FBXW8: variants seen among roughly 807,000 people sequenced by gnomAD.
The protein encoded by FBXW8 is F-box and WD repeat domain containing 8.
A neutral mutation model predicts 65.3 loss-of-function variants in FBXW8; 57 were observed. That is an observed-to-expected ratio of 0.87 (90% CI 0.71 to 1.09). The LOEUF is 1.09. Ranked by LOEUF, FBXW8 falls within the 50% of genes least tolerant of loss-of-function variation. The probability of loss-of-function intolerance (pLI) is 0.00; values close to 1 mark genes in which losing one functional copy is unlikely to be tolerated. For missense variants in FBXW8, 777 were observed against 814.8 expected (o/e 0.95, Z 0.57); for synonymous variants, 308 against 330.2 (o/e 0.93, Z 0.73).
chr12:116,971,046 A>G (rs574020010), intron 5 of FBXW8, among the ~76,000 whole-genome samples: 172 of 152,214 alleles, frequency 1.1e-3, no homozygotes, highest in Admixed American at 1.8e-3. Flanking sequence ...TTTTTTTAAC[A>G]CTAGGAATGC....
At chr12:116,980,811 G>A (rs1201222578) in intron 5 of FBXW8, among the ~76,000 whole-genome samples, 1 of 152,078 alleles carries the variant, frequency 6.6e-6, no homozygotes, top group East Asian at 1.9e-4. Flanking sequence ...CTTATTCATT[G>A]TTCCATTGTG....
At chr12:117,021,675 TG>T (rs1565945832) in intron 8 of FBXW8, among the ~76,000 whole-genome samples, 1 of 152,256 alleles carries the variant, frequency 6.6e-6, no homozygotes, top group Non-Finnish European at 1.5e-5. Context: ...AATTTATATT[TG>T]ACTCTGTGTT....
At chr12:116,920,262 A>G (rs1880787481) in intron 1 of FBXW8, among the ~76,000 whole-genome samples, 1 of 152,230 alleles carries the variant, frequency 6.6e-6, no homozygotes, top group East Asian at 1.9e-4. Flanking sequence ...GCCTGTGTAT[A>G]CTAGAACAAC....
At chr12:116,945,314 G>T (rs765038413) in intron 2 of FBXW8, 50 bp from the exon 3 acceptor site, 104 of 1,574,128 alleles carry the variant, frequency 6.6e-5, no homozygotes, top group Non-Finnish European at 8.6e-5. Context: ...GATGACAAGG[G>T]GCTTCTCTAA....
At position 116,979,792 on chromosome 12, in the gene FBXW8, A is replaced by C. The variant is rs374842368; in HGVS notation, c.836-5414A>C. Reference sequence around the variant, plus strand: ...CAGGGAATGGCAAAAAAAAAAAAAAAAAAACACTTGCTTCTTATGCCACTG... The same window carrying C: ...CAGGGAATGGCAAAAAAAAAAAAAACAAAACACTTGCTTCTTATGCCACTG... On this transcript the variant is annotated intron_variant, in intron 5 of 10. Transcript: ENST00000652555. Among the ~76,000 whole-genome samples, 21 of 152,034 alleles carry C rather than the reference A, an allele frequency of 1.4e-4. No homozygotes were observed. The East Asian group carries it at 3.9e-3, about 28-fold the overall frequency.
chr12:116,917,551 C>T (rs1387506959), intron 1 of FBXW8, among the ~76,000 whole-genome samples: 1 of 152,230 alleles, frequency 6.6e-6, no homozygotes, highest in East Asian at 1.9e-4. Flanking sequence ...TCAGAGTCTT[C>T]AGTATCCATC....
intron 4 of FBXW8, chr12:116,951,141 T>G (rs1000935129): frequency 3.3e-5 from 5 of 152,188 alleles, no homozygotes; most frequent in Admixed American, 2.6e-4. Context: ...TTACAGATTA[T>G]GCCAGCACAG....
chr12:116,937,584 G>A (rs1882253870), intron 2 of FBXW8, among the ~76,000 whole-genome samples: 1 of 152,228 alleles, frequency 6.6e-6, no homozygotes, highest in Admixed American at 6.5e-5. Context: ...ACTGAGAAAT[G>A]ACCATTGGGT....
chr12:116,975,127 A>G (rs1381527697), intron 5 of FBXW8, among the ~76,000 whole-genome samples: 1 of 152,250 alleles, frequency 6.6e-6, no homozygotes, highest in African/African-American at 2.4e-5. Context: ...GAATTGCTGT[A>G]TGGGAAAGGA....
intron 1 of FBXW8, among the ~76,000 whole-genome samples, chr12:116,926,352 G>A (rs145984346): frequency 6.6e-6 from 1 of 152,276 alleles, no homozygotes; most frequent in East Asian, 1.9e-4. Context: ...GGTAAAGTAG[G>A]CCTCTCCACA....
At chr12:116,968,846 T>C (rs1884482300) in intron 5 of FBXW8, among the ~76,000 whole-genome samples, 1 of 152,214 alleles carries the variant, frequency 6.6e-6, no homozygotes. Context: ...CTGCTACTTG[T>C]AGTTCTTTCT....
At chr12:117,007,767 T>G (rs1953713198) in intron 7 of FBXW8, among the ~76,000 whole-genome samples, 1 of 152,140 alleles carries the variant, frequency 6.6e-6, no homozygotes. Context: ...ATCTCACTAG[T>G]CTATGGCAAT....
chr12:116,955,507 G>A (rs992940662), intron 4 of FBXW8, among the ~76,000 whole-genome samples: 5 of 152,210 alleles, frequency 3.3e-5, no homozygotes, highest in Non-Finnish European at 7.3e-5. Context: ...AAATGCTAGC[G>A]AGGTTTAGTG....
chr12:116,919,436 G>A (rs995802579), intron 1 of FBXW8, among the ~76,000 whole-genome samples: 2 of 152,144 alleles, frequency 1.3e-5, no homozygotes, highest in Non-Finnish European at 1.5e-5. Flanking sequence ...TACCTATCTC[G>A]TGAAGAGGCA....
At position 116,988,648 on chromosome 12, in the gene FBXW8, C is replaced by T; in HGVS notation, c.1033-15C>T. ...GATGAATTTATGGGACTAAACAACT[C>T]TTACCTTTTAACAGGTTCAGTACCT... On this transcript the variant is annotated splice_polypyrimidine_tract_variant and intron_variant, in intron 6 of 10. Coordinates refer to ENST00000652555, the MANE Select transcript of FBXW8 (RefSeq NM_153348.3). 6.2e-7 allele frequency: 1 copy of T among 1,613,104 alleles called. No homozygotes were observed. Among genetic ancestry groups the T allele is most frequent in the East Asian group, 2.2e-5 (1 of 44,866 alleles).
intron 7 of FBXW8, among the ~76,000 whole-genome samples, chr12:116,993,320 T>G (rs1565931481): frequency 6.6e-6 from 1 of 152,024 alleles, no homozygotes; most frequent in Non-Finnish European, 1.5e-5. Context: ...GCCAGGCTGG[T>G]CTCGAACTCC....
chr12:116,949,706 G>T lies in FBXW8; in HGVS notation c.677G>T (p.Gly226Val). The T allele has an allele frequency of 6.2e-7, 1 of 1,614,096 alleles. No homozygotes were observed. The highest frequency in any genetic ancestry group is 8.5e-7 in the Non-Finnish European group (1 of 1,179,982). Residue 226 changes from glycine to valine, a missense_variant and splice_region_variant, in exon 4 of 11, where the codon GGA becomes GTA. Coordinates refer to ENST00000652555, the MANE Select transcript of FBXW8 (RefSeq NM_153348.3). ...TCTCACGATGGTGTGGTCATTGCGG[G>T]GTAAGCCAAACCGTTTCCACTGAGT... ...VHSHDGVVIA[G>V]YTSGDVRVWD...
At chr12:116,964,115 G>T (rs1006743659) in intron 4 of FBXW8, among the ~76,000 whole-genome samples, 1 of 152,188 alleles carries the variant, frequency 6.6e-6, no homozygotes, top group Non-Finnish European at 1.5e-5. Flanking sequence ...GCAGTGTCGC[G>T]CATTCAGCAA....
At position 116,914,484 on chromosome 12, in the gene FBXW8, G is replaced by A. The variant is rs557442519; in HGVS notation, c.318+3129G>A. ...ACTACCTGGGAGGCTGATGTGGGAG[G>A]ATTGATTGAGGCCAGGAGGTCGAGG... On this transcript the variant is annotated intron_variant, in intron 1 of 10. Transcript: ENST00000652555. 7.2e-4 allele frequency among the ~76,000 whole-genome samples: 106 copies of A among 147,362 alleles called. 3 individuals carry two copies. The South Asian group carries it at 0.019, about 26-fold the overall frequency.
Sources: allele counts gnomAD v4.1 joint callset (sites outside exome capture counted in the v4.1 genomes callset), GRCh38; gene constraint gnomAD v4.1.1; transcripts MANE v1.5; gene names NCBI Gene and HGNC (gene_info 2026-07-23, HGNC 2026-07-21).